The following DEAF1 variants were observed in gnomAD, a reference collection of about 807,000 sequenced individuals.
DEAF1 encodes deformed epidermal autoregulatory factor 1 homolog.
In DEAF1, 53 loss-of-function variants were observed where a neutral mutation model predicts 58.9. The observed-to-expected ratio is 0.90, with a 90% CI of 0.72 to 1.13. DEAF1 has a LOEUF of 1.13. DEAF1 is among the 50% of genes most tolerant of loss of function. The probability of loss-of-function intolerance (pLI) is 0.00; values close to 1 mark genes in which losing one functional copy is unlikely to be tolerated. For missense variants in DEAF1, 685 were observed against 791.4 expected, an observed-to-expected ratio of 0.87 and a Z score of 1.61; for synonymous variants, 385 against 340.4, an observed-to-expected ratio of 1.13 and a Z score of -1.44.
At chr11:649,284 T>C (rs1858648408) in intron 11 of DEAF1, among the ~76,000 whole-genome samples, 1 of 151,490 alleles carries the variant, frequency 6.6e-6, no homozygotes, top group African/African-American at 2.4e-5. Context: ...AAAACGGGCA[T>C]GGTGGCGGGT....
Position 692,963 on chromosome 11 carries a change from C to T in DEAF1, c.290-1365G>A, listed in dbSNP as rs192467013. On this transcript the variant is annotated intron_variant, in intron 1 of 11. Coordinates refer to ENST00000382409, the MANE Select transcript of DEAF1 (RefSeq NM_021008.4). Reference sequence around the variant, plus strand: ...ACCACAAGCCCCGGCATGCGGCGCGCGGCCACAGTGAGTGCTCAACGCCAG... The same window carrying T: ...ACCACAAGCCCCGGCATGCGGCGCGTGGCCACAGTGAGTGCTCAACGCCAG... Among the ~76,000 whole-genome samples the T allele has an allele frequency of 8.1e-4, 124 of 152,322 alleles. 3 individuals are homozygous for T. The East Asian group carries it at 0.014, about 18-fold the overall frequency.
chr11:663,648 T>A lies in DEAF1; in HGVS notation c.1504-9597A>T, dbSNP rs1055051762. 6.7e-5 allele frequency among the ~76,000 whole-genome samples: 10 copies of A among 150,132 alleles called. No homozygotes were observed. In the East Asian group the frequency reaches 2.1e-3, roughly 32 times the overall value. On this transcript the variant is annotated intron_variant, in intron 10 of 11. Transcript: ENST00000382409. ...CAGCGACTGCCTCTGGACTGATAAA[T>A]CAGGCTTTTGGCCTTTCCTCCTCCA...
chr11:688,686 G>A lies in DEAF1; in HGVS notation c.388-226C>T. ...AAGTCTGTGTGGTGCTGAGGAAAAT[G>A]CTTGCCATCATTTGTCAAAGGGAAG... is the stretch of plus-strand genomic sequence containing the variant. On this transcript the variant is annotated intron_variant, in intron 2 of 11. Transcript: ENST00000382409. The surrounding 1 kb of genome is among the most constrained non-coding windows in gnomAD (Gnocchi z 4.3). Among the ~76,000 whole-genome samples the A allele has an allele frequency of 6.6e-6, 1 of 152,168 alleles. No individual in the cohort carries two copies. Among genetic ancestry groups the A allele is most frequent in the East Asian group, 1.9e-4 (1 of 5,206 alleles).
In DEAF1 at chr11:680,887, C is replaced by T. The variant is rs1007390766; in HGVS notation, c.997+76G>A. The T allele has an allele frequency of 2.5e-5, 40 of 1,594,226 alleles. No homozygotes were observed. In the African/African-American group the frequency reaches 4.3e-4, roughly 17 times the overall value. On this transcript the variant is annotated intron_variant, in intron 7 of 11. Coordinates refer to ENST00000382409, the MANE Select transcript of DEAF1 (RefSeq NM_021008.4). ...TTAGAAGTGAGAATCCCGCAGTGGCCGTGGGAGTGGTGACGAGAGAAGGCA... is the reference window on the plus strand; with the variant it reads ...TTAGAAGTGAGAATCCCGCAGTGGCTGTGGGAGTGGTGACGAGAGAAGGCA...
Position 701,718 on chromosome 11 carries a change from G to GT in DEAF1, c.-438+4853dup, listed in dbSNP as rs766144492. Among the ~76,000 whole-genome samples, 6 of 152,188 alleles carry GT rather than the reference G, an allele frequency of 3.9e-5. No individual in the cohort carries two copies. The East Asian group carries it at 1.2e-3, about 30-fold the overall frequency. The stretch of plus-strand genomic sequence containing the variant: ...GCCACCGCGCCCGGCCGGAGACAGG[G>GT]TTTCGCTATGTTACCCTGGTTGGTC... On this transcript the variant is annotated intron_variant, in intron 1 of 11. Transcript: ENST00000683307.
intron 8 of DEAF1, 95 bp from the exon 9 acceptor site, chr11:678,917 T>C (rs1295346644): frequency 1.3e-6 from 2 of 1,523,858 alleles, no homozygotes; most frequent in African/African-American, 2.7e-5. Flanking sequence ...TCAGTACACA[T>C]AGTAGCTTAT....
upstream of DEAF1, chr11:698,881 C>T: frequency 6.2e-7 from 1 of 1,614,162 alleles, no homozygotes; most frequent in Non-Finnish European, 8.5e-7. Context: ...AGAGGATCCT[C>T]CACAGTGGTA....
At chr11:681,915 A>G (rs1860391652) in intron 6 of DEAF1, among the ~76,000 whole-genome samples, 1 of 152,128 alleles carries the variant, frequency 6.6e-6, no homozygotes, top group South Asian at 2.1e-4. Flanking sequence ...CTTCCTGTGT[A>G]TGGTCCAAGG....
In DEAF1 at chr11:704,525, C is replaced by T. The variant is rs954232110; in HGVS notation, c.-438+2047G>A. Reference sequence around the variant, plus strand: ...CGCCTCGGGCCACCTCCCTCACCAGCGCCTGCACTCGCAGAAGACCAGCTG... The same window carrying T: ...CGCCTCGGGCCACCTCCCTCACCAGTGCCTGCACTCGCAGAAGACCAGCTG... On this transcript the variant is annotated intron_variant, in intron 1 of 11. Coordinates refer to the DEAF1 transcript ENST00000683307. 18 of 1,289,324 alleles carry T rather than the reference C, an allele frequency of 1.4e-5. No individual in the cohort carries two copies. In the East Asian group the frequency reaches 2.2e-4, roughly 16 times the overall value. The allele number at this position is 1,289,324 out of a possible 1,614,324, so 79.9% of individuals were successfully genotyped here.
At chr11:680,608 G>A (rs1212416580) in intron 7 of DEAF1, among the ~76,000 whole-genome samples, 1 of 152,134 alleles carries the variant, frequency 6.6e-6, no homozygotes. Flanking sequence ...GACCCACAGA[G>A]CTCTCCGCAG....
chr11:668,648 CCTCT>C (rs745779552), intron 10 of DEAF1, among the ~76,000 whole-genome samples: 34 of 151,916 alleles, frequency 2.2e-4, no homozygotes, highest in African/African-American at 5.3e-4. Context: ...ACAGTGAGAC[CCTCT>C]CTCTATGAAA....
At chr11:674,258 AG>A in intron 10 of DEAF1, 1 of 455,560 alleles carries the variant, frequency 2.2e-6, no homozygotes, top group Non-Finnish European at 4.1e-6. Flanking sequence ...TGCCTAGAAA[AG>A]GTGAGTATTC....
intron 10 of DEAF1, among the ~76,000 whole-genome samples, chr11:672,202 T>C (rs879844982): frequency 2.0e-5 from 3 of 152,142 alleles, no homozygotes; most frequent in Non-Finnish European, 4.4e-5. Flanking sequence ...GCTTGTCTGG[T>C]AGAATCCGTA....
intron 1 of DEAF1, chr11:703,234 C>A: frequency 6.8e-7 from 1 of 1,475,216 alleles, no homozygotes; most frequent in Admixed American, 2.4e-5. Context: ...CATTCCTGGA[C>A]AGGAAGGGCA....
intron 10 of DEAF1, among the ~76,000 whole-genome samples, chr11:659,270 C>T (rs1013378310): frequency 2.0e-5 from 3 of 150,972 alleles, no homozygotes; most frequent in African/African-American, 4.9e-5. Context: ...TGGTGGCATG[C>T]ACCTCTTAGC....
At chr11:675,669 C>T (rs1252891942) in intron 9 of DEAF1, among the ~76,000 whole-genome samples, 2 of 151,956 alleles carry the variant, frequency 1.3e-5, no homozygotes, top group Admixed American at 1.3e-4. Context: ...CCAAAAAATA[C>T]AAAAATTAGC....
At chr11:681,725 A>G (rs963545921) in intron 6 of DEAF1, among the ~76,000 whole-genome samples, 1 of 151,884 alleles carries the variant, frequency 6.6e-6, no homozygotes, top group African/African-American at 2.4e-5. Context: ...TTTTTTTTAA[A>G]TAATTTATAT....
At chr11:654,165 C>CTTT (rs369963488) in intron 10 of DEAF1, 114 bp from the exon 11 acceptor site, 936 of 408,816 alleles carry the variant, frequency 2.3e-3, no homozygotes, top group Admixed American at 3.8e-3. Context: ...ATTGGACCCC[C>CTTT]TTTTTTTTTT....
At chr11:669,063 G>C (rs1254961619) in intron 10 of DEAF1, among the ~76,000 whole-genome samples, 1 of 150,720 alleles carries the variant, frequency 6.6e-6, no homozygotes, top group East Asian at 2.0e-4. Flanking sequence ...CTGACCTTGT[G>C]ATCTGCCCGC....
Sources: gnomAD v4.1 joint callset for allele counts (sites outside exome capture counted in the v4.1 genomes callset) on GRCh38, gnomAD v4.1.1 for gene constraint, Gnocchi (gnomAD v3.1) non-coding constraint, MANE v1.5 for transcripts, NCBI Gene and HGNC (gene_info 2026-07-23, HGNC 2026-07-21) for gene names.